The following NAV1 variants were observed in gnomAD, a reference collection of about 807,000 sequenced individuals.
The protein encoded by NAV1 is neuron navigator 1.
A neutral mutation model predicts 175.2 loss-of-function variants in NAV1; 18 were observed. The observed-to-expected ratio is 0.10, with a 90% CI of 0.07 to 0.15. The LOEUF (loss-of-function observed/expected upper bound fraction) is 0.15, where lower values mean the gene tolerates loss of function less well. NAV1 is among the 10% of genes least tolerant of loss of function. The probability of loss-of-function intolerance (pLI) is 1.00; values close to 1 mark genes in which losing one functional copy is unlikely to be tolerated. For synonymous variants in NAV1, 897 were observed against 978.7 expected (o/e 0.92, Z 1.56); for missense variants, 1,731 against 2,436.6 (o/e 0.71, Z 6.10).
At chr1:201,595,145 C>T (rs184495189) in intron 2 of NAV1, among the ~76,000 whole-genome samples, 1 of 152,308 alleles carries the variant, frequency 6.6e-6, no homozygotes, top group Admixed American at 6.5e-5. Flanking sequence ...CCAGTGGGAC[C>T]CCAGTCCTTA....
At position 201,803,879 on chromosome 1, in the gene NAV1, C is replaced by G. The variant is rs958755236; in HGVS notation, c.3639+165C>G. 2.0e-4 allele frequency among the ~76,000 whole-genome samples: 31 copies of G among 152,128 alleles called. 1 individual carries two copies. The highest frequency in any genetic ancestry group is 4.1e-4 in the Non-Finnish European group (28 of 68,028). ...AGCATGGTCTCCCAGATTCTCCCTT[C>G]CCTCAATCATTTCCTACTTGTCCCC... On this transcript the variant is annotated intron_variant, in intron 16 of 29. Transcript: ENST00000367296.
intron 25 of NAV1, 53 bp downstream of exon 29, chr1:201,811,810 C>A: frequency 6.2e-7 from 1 of 1,608,166 alleles, no homozygotes; most frequent in Non-Finnish European, 8.5e-7. Context: ...GAGGGAGAAC[C>A]CAGTCCAGGA....
intron 3 of NAV1, among the ~76,000 whole-genome samples, chr1:201,755,099 A>C (rs1378460780): frequency 2.6e-5 from 4 of 152,248 alleles, no homozygotes; most frequent in Non-Finnish European, 5.9e-5. Context: ...CTTGCCTTAA[A>C]TATGCCCCAG....
exon 30 of NAV1, chr1:201,821,503 CAG>C (rs1359079057): frequency 9.6e-5 from 12 of 124,556 alleles, no homozygotes; most frequent in Admixed American, 7.0e-4. Context: ...TAGGTTAAAA[CAG>C]ACACACACAC....
At chr1:201,623,720 C>G (rs1404322800) in intron 1 of NAV1, 114 bp downstream of exon 3, 3 of 952,862 alleles carry the variant, frequency 3.1e-6, no homozygotes, top group Non-Finnish European at 2.5e-6. Context: ...ACCAGAGGGC[C>G]CCAGGCGATA....
intron 1 of NAV1, among the ~76,000 whole-genome samples, chr1:201,669,556 A>G (rs1195832732): frequency 6.6e-6 from 1 of 152,226 alleles, no homozygotes; most frequent in Non-Finnish European, 1.5e-5. Context: ...TTTTATCCCT[A>G]CATCCAGTGG....
intron 8 of NAV1, among the ~76,000 whole-genome samples, chr1:201,785,788 CTTTTTTTTT>C (rs34841837): frequency 4.0e-5 from 4 of 99,566 alleles, no homozygotes; most frequent in South Asian, 3.5e-4. Context: ...ACTATTGCAA[CTTTTTTTTT>C]TTTTTTTTTT....
At chr1:201,610,038 C>A (rs563964262) in intron 2 of NAV1, among the ~76,000 whole-genome samples, 1 of 152,170 alleles carries the variant, frequency 6.6e-6, no homozygotes, top group East Asian at 1.9e-4. Context: ...CAGGAGGTAT[C>A]CTGGAACAGA....
exon 2 of NAV1, chr1:201,712,840 A>G (rs374598106): frequency 2.4e-5 from 39 of 1,613,694 alleles, no homozygotes; most frequent in Non-Finnish European, 3.1e-5. Context: ...GAGAAAGAGG[A>G]CAGTGCAGAA....
At chr1:201,626,515 C>T (rs1668334583) in intron 1 of NAV1, among the ~76,000 whole-genome samples, 1 of 152,220 alleles carries the variant, frequency 6.6e-6, no homozygotes, top group East Asian at 1.9e-4. Flanking sequence ...CCATCACTTC[C>T]CTTTGGACCC....
At chr1:201,700,093 G>A (rs973904690) in intron 1 of NAV1, among the ~76,000 whole-genome samples, 1 of 152,178 alleles carries the variant, frequency 6.6e-6, no homozygotes, top group African/African-American at 2.4e-5. Context: ...AGACAAATGG[G>A]ATCTAATTAA....
chr1:201,779,885 A>G (rs1676205674), intron 3 of NAV1, among the ~76,000 whole-genome samples: 1 of 152,198 alleles, frequency 6.6e-6, no homozygotes, highest in Admixed American at 6.5e-5. Flanking sequence ...TGTTCTGTTT[A>G]GAAGCAGGAC....
chr1:201,799,510 G>A (rs1298543836), intron 15 of NAV1, among the ~76,000 whole-genome samples: 1 of 152,116 alleles, frequency 6.6e-6, no homozygotes. Flanking sequence ...ATGCACAAGA[G>A]GTTTCTTAAC....
intron 3 of NAV1, among the ~76,000 whole-genome samples, chr1:201,779,462 G>A (rs529812860): frequency 4.6e-5 from 7 of 151,016 alleles, no homozygotes; most frequent in South Asian, 2.1e-4. Flanking sequence ...GCTGGGTGTC[G>A]TGGCGGGTGC....
chr1:201,613,290 TCTCCCCGC>T (rs1398832861), intron 2 of NAV1, among the ~76,000 whole-genome samples: 54 of 152,038 alleles, frequency 3.6e-4, no homozygotes, highest in Non-Finnish European at 6.8e-4. Context: ...TTGGTTACCC[TCTCCCCGC>T]CTCCCCCCCG....
intron 2 of NAV1, among the ~76,000 whole-genome samples, chr1:201,633,384 G>A (rs557324507): frequency 6.6e-6 from 1 of 152,302 alleles, no homozygotes; most frequent in Admixed American, 6.5e-5. Flanking sequence ...CTCAGGCTCA[G>A]AAGGGTTATA....
rs537423436 is a variant in NAV1, at chr1:201,742,598, A to G, written c.1226+23843A>G. ...AGCATGAAGTCCAGGCATCTATCCC[A>G]TTCAGCACTCCTAGACTCCCTCCTG... On this transcript the variant is annotated intron_variant, in intron 3 of 29. Transcript: ENST00000367296. Among the ~76,000 whole-genome samples, 8 of 152,172 alleles carry G rather than the reference A, an allele frequency of 5.3e-5. No individual in the cohort carries two copies. In the East Asian group the frequency reaches 1.4e-3, roughly 26 times the overall value.
At chr1:201,645,952 G>A (rs1668965265), upstream of NAV1, among the ~76,000 whole-genome samples, 3 of 152,236 alleles carry the variant, frequency 2.0e-5, no homozygotes, top group African/African-American at 4.8e-5. Context: ...GACTGTAGAA[G>A]TGATGGCTTG....
intron 3 of NAV1, among the ~76,000 whole-genome samples, chr1:201,728,517 C>T (rs1278676890): frequency 6.6e-6 from 1 of 151,204 alleles, no homozygotes; most frequent in African/African-American, 2.4e-5. Flanking sequence ...TCACTTGTAC[C>T]CAGAATGTGG....
Sources: gnomAD v4.1 joint callset for allele counts (sites outside exome capture counted in the v4.1 genomes callset) on GRCh38, gnomAD v4.1.1 for gene constraint, MANE v1.5 for transcripts, NCBI Gene and HGNC (gene_info 2026-07-23, HGNC 2026-07-21) for gene names.